Variants in ANXA6 observed in about 807,000 individuals in gnomAD.
ANXA6 encodes annexin A6.
ANXA6 carries 71 observed loss-of-function variants against 95.4 expected under a neutral mutation model. The observed-to-expected ratio is 0.74, with a 90% CI of 0.61 to 0.91. The LOEUF is 0.91. ANXA6 is among the 40% of genes least tolerant of loss of function. The pLI is 0.00. For synonymous variants in ANXA6, 289 were observed against 315.9 expected, an observed-to-expected ratio of 0.91 and a Z score of 0.90; for missense variants, 830 against 876.4, an observed-to-expected ratio of 0.95 and a Z score of 0.67.
chr5:151,109,842 A>G lies in ANXA6; in HGVS notation c.1595T>C (p.Ile532Thr). 6.2e-7 allele frequency: 1 copy of G among 1,600,956 alleles called. No individual in the cohort carries two copies. The highest frequency in any genetic ancestry group is 1.1e-5 in the South Asian group (1 of 89,340). The change falls in exon 22 of 26, where the codon ATA becomes ACA. Residue 532 changes from isoleucine (I) to threonine (T), a missense_variant. Transcript: ENST00000354546. ...DAQVAAEILE[I>T]ADTPSGDKTS... The stretch of plus-strand genomic sequence containing the variant: ...TTTGTCTCCACTAGGTGTGTCTGCT[A>G]TTTCCTGCAGAGCCCCAGTTGGAGC...
chr5:151,114,564 A>G (rs189367033), intron 20 of ANXA6, among the ~76,000 whole-genome samples: 2 of 142,758 alleles, frequency 1.4e-5, no homozygotes, highest in Non-Finnish European at 3.0e-5. Flanking sequence ...CAGTGAGCCA[A>G]GATTGCGCCA....
intron 23 of ANXA6, among the ~76,000 whole-genome samples, chr5:151,106,549 T>C (rs1385142569): frequency 6.6e-6 from 1 of 152,208 alleles, no homozygotes; most frequent in Non-Finnish European, 1.5e-5. Flanking sequence ...TGCAACCTCA[T>C]GGCCCTTGCT....
At position 151,109,812 on chromosome 5, in the gene ANXA6, G is replaced by C. The variant is rs547736664; in HGVS notation, c.1625C>G (p.Ser542Cys). Reference protein sequence around the residue: ...IADTPSGDKTSLETRFMTILC... With the variant: ...IADTPSGDKTCLETRFMTILC... Reference sequence around the variant, plus strand: ...GATCGTCATGAAACGTGTCTCCAAGGAAGTTTTGTCTCCACTAGGTGTGTC... The same window carrying C: ...GATCGTCATGAAACGTGTCTCCAAGCAAGTTTTGTCTCCACTAGGTGTGTC... The change falls in exon 22 of 26, where the codon TCC becomes TGC. Residue 542 changes from serine to cysteine, a missense_variant. Coordinates refer to ENST00000354546, the MANE Select transcript of ANXA6 (RefSeq NM_001155.5). The C allele has an allele frequency of 6.2e-7, 1 of 1,611,206 alleles. No individual in the cohort carries two copies. The highest frequency in any genetic ancestry group is 1.1e-5 in the South Asian group (1 of 90,430).
intron 23 of ANXA6, among the ~76,000 whole-genome samples, chr5:151,107,857 G>A (rs372634125): frequency 2.1e-4 from 32 of 152,282 alleles, no homozygotes; most frequent in African/African-American, 7.7e-4. Context: ...GTCTGTGTGT[G>A]TGTCATCTGC....
chr5:151,121,616 A>AT (rs1417728108), intron 17 of ANXA6, among the ~76,000 whole-genome samples: 1 of 152,180 alleles, frequency 6.6e-6, no homozygotes, highest in Non-Finnish European at 1.5e-5. Flanking sequence ...AGTGTAAGGA[A>AT]TGGCCCAGTC....
In ANXA6 at chr5:151,144,873, G is replaced by C. The variant is rs779153202; in HGVS notation, c.18+3011C>G. On this transcript the variant is annotated intron_variant, in intron 2 of 25. Transcript: ENST00000354546. ...GATCATAGCCACTAGAAGCAAAGGT[G>C]GGGGGCTTAGCACTAGTCACATTTG... Among the ~76,000 whole-genome samples, 23 of 152,128 alleles carry C rather than the reference G, an allele frequency of 1.5e-4. No individual in the cohort carries two copies. The South Asian group carries it at 4.8e-3, about 32-fold the overall frequency.
At chr5:151,153,472 C>T (rs1481506485) in intron 1 of ANXA6, among the ~76,000 whole-genome samples, 1 of 152,184 alleles carries the variant, frequency 6.6e-6, no homozygotes, top group East Asian at 1.9e-4. Flanking sequence ...GGTATTCCCC[C>T]GCTAGGGTGC....
At chr5:151,137,632 T>C (rs1367731252) in intron 5 of ANXA6, among the ~76,000 whole-genome samples, 3 of 152,220 alleles carry the variant, frequency 2.0e-5, no homozygotes, top group Non-Finnish European at 4.4e-5. Context: ...GCTACTGTTC[T>C]CACGATCGTA....
Position 151,107,169 on chromosome 5 carries a change from G to C in ANXA6, c.1780+1286C>G, listed in dbSNP as rs560653952. On this transcript the variant is annotated intron_variant, in intron 23 of 25. Coordinates refer to ENST00000354546, the MANE Select transcript of ANXA6 (RefSeq NM_001155.5). ...CCTGCGTGCAACTAACTTTGCGCAG[G>C]GCTTGGTGGGAAACAACAATACAAA... is the stretch of plus-strand genomic sequence containing the variant. 1.8e-3 allele frequency among the ~76,000 whole-genome samples: 279 copies of C among 152,258 alleles called. 1 individual carries two copies. Among genetic ancestry groups the C allele is most frequent in the African/African-American group, 6.6e-3 (274 of 41,546 alleles).
At chr5:151,154,600 C>G (rs1386899370) in intron 1 of ANXA6, among the ~76,000 whole-genome samples, 1 of 152,152 alleles carries the variant, frequency 6.6e-6, no homozygotes, top group Middle Eastern at 3.2e-3. Flanking sequence ...AGGACCCGCT[C>G]CATAACCCTC....
At chr5:151,101,777 T>C (rs1290460074) in intron 25 of ANXA6, among the ~76,000 whole-genome samples, 2 of 152,148 alleles carry the variant, frequency 1.3e-5, no homozygotes, top group African/African-American at 4.8e-5. Context: ...GCTTCACCTG[T>C]TCCTTTCCCC....
intron 20 of ANXA6, among the ~76,000 whole-genome samples, chr5:151,113,070 A>T (rs1025483296): frequency 1.3e-5 from 2 of 152,160 alleles, no homozygotes; most frequent in Non-Finnish European, 2.9e-5. Context: ...CAGCTGCCCA[A>T]CAATGTGAAT....
chr5:151,102,212 T>C (rs550506962), intron 25 of ANXA6, among the ~76,000 whole-genome samples: 17 of 152,344 alleles, frequency 1.1e-4, no homozygotes, highest in African/African-American at 3.8e-4. Context: ...ATTTTGTTTG[T>C]CCTTGTATTT....
At position 151,124,430 on chromosome 5, in the gene ANXA6, G is replaced by A. The variant is rs1765258009; in HGVS notation, c.1057-63C>T. The A allele has an allele frequency of 3.3e-6, 5 of 1,503,980 alleles. No homozygotes were observed. In the East Asian group the frequency reaches 1.2e-4, roughly 37 times the overall value. The allele number at this position is 1,503,980 out of a possible 1,614,324, so 93.2% of individuals were successfully genotyped here. On this transcript the variant is annotated intron_variant, in intron 14 of 25. Transcript: ENST00000354546. The stretch of plus-strand genomic sequence containing the variant: ...GGCCCCCCTGGGGACCAGGCTGAAA[G>A]ACAGCATGCGAGGGTGGGAAGCTCA...
chr5:151,133,768 A>G (rs1765582927), intron 8 of ANXA6, among the ~76,000 whole-genome samples: 1 of 152,180 alleles, frequency 6.6e-6, no homozygotes, highest in Non-Finnish European at 1.5e-5. Flanking sequence ...CAAGGCCCAG[A>G]TTAAGTATTC....
At chr5:151,150,024 C>A (rs1766070714) in intron 1 of ANXA6, among the ~76,000 whole-genome samples, 1 of 151,218 alleles carries the variant, frequency 6.6e-6, no homozygotes, top group Admixed American at 6.6e-5. Flanking sequence ...GAGGCCGAGG[C>A]AGGTGAATCG....
At chr5:151,117,043 A>C in intron 20 of ANXA6, 84 bp downstream of exon 20, 119 of 1,233,210 alleles carry the variant, frequency 9.6e-5, no homozygotes, top group Non-Finnish European at 1.2e-4. Flanking sequence ...ACTCACAGAC[A>C]GGGCCCGGCG....
rs1355139892 is a variant in ANXA6, at chr5:151,100,922, A to G, written c.*526T>C. 1 of 456,464 alleles carries G rather than the reference A, an allele frequency of 2.2e-6. No individual in the cohort carries two copies. Among genetic ancestry groups the G allele is most frequent in the East Asian group, 6.9e-5 (1 of 14,392 alleles). 28.3% of individuals were successfully genotyped at this position (456,464 alleles called of 1,614,324 possible). The stretch of plus-strand genomic sequence containing the variant: ...AAGTGCATGGCAGATGCAGATTTGA[A>G]CCCAGGCATCCAAATTCCTGGTCCA... On this transcript the variant is annotated 3_prime_UTR_variant, in exon 26 of 26. Coordinates refer to ENST00000354546, the MANE Select transcript of ANXA6 (RefSeq NM_001155.5).
chr5:151,157,086 C>T (rs536056278), intron 1 of ANXA6, among the ~76,000 whole-genome samples: 1 of 152,308 alleles, frequency 6.6e-6, no homozygotes, highest in South Asian at 2.1e-4. Context: ...GGCCTCGGAG[C>T]CCCGTTGGGA....
Sources: gnomAD v4.1 joint callset for allele counts (sites outside exome capture counted in the v4.1 genomes callset) on GRCh38, gnomAD v4.1.1 for gene constraint, MANE v1.5 for transcripts, NCBI Gene and HGNC (gene_info 2026-07-23, HGNC 2026-07-21) for gene names.